The following CAMTA1 variants were observed in gnomAD, a reference collection of about 807,000 sequenced individuals.
CAMTA1 encodes the protein calmodulin binding transcription activator 1.
In CAMTA1, 27 loss-of-function variants were observed where a neutral mutation model predicts 170.9. That is an observed-to-expected ratio of 0.16 (90% CI 0.12 to 0.22). The LOEUF (loss-of-function observed/expected upper bound fraction) is 0.22, where lower values mean the gene tolerates loss of function less well. Ranked by LOEUF, CAMTA1 falls within the 10% of genes least tolerant of loss-of-function variation. The pLI is 1.00. For synonymous variants in CAMTA1, 833 were observed against 891.5 expected, an observed-to-expected ratio of 0.93 and a Z score of 1.17; for missense variants, 1,619 against 2,217.2, an observed-to-expected ratio of 0.73 and a Z score of 5.42.
intron 3 of CAMTA1, among the ~76,000 whole-genome samples, chr1:6,885,771 C>T (rs960347266): frequency 6.6e-6 from 1 of 152,196 alleles, no homozygotes; most frequent in African/African-American, 2.4e-5. Context: ...CAACATGCCC[C>T]ACCCAGCTGC....
chr1:7,179,857 A>C (rs1211606995), intron 4 of CAMTA1, among the ~76,000 whole-genome samples: 2 of 152,198 alleles, frequency 1.3e-5, no homozygotes, highest in Admixed American at 6.5e-5. Context: ...AACCAAAAGA[A>C]AGCACAAGAA....
Position 7,745,854 on chromosome 1 carries a change from T to C in CAMTA1, c.4380T>C (p.Tyr1460=), listed in dbSNP as rs958292170. ...TCTCCTCTTGTTTCAGAAGTGCATATAACGAGCCTCTAACCCCTTCTTCTA... is the reference window on the plus strand; with the variant it reads ...TCTCCTCTTGTTTCAGAAGTGCATACAACGAGCCTCTAACCCCTTCTTCTA... The part of the protein sequence containing the change: ...LPSAAQIRSA[Y]NEPLTPSSNT... Residue 1460 remains tyrosine (Y), a synonymous_variant, in exon 18 of 23, where the codon TAT becomes TAC. Transcript: ENST00000303635. The C allele has an allele frequency of 1.2e-6, 2 of 1,614,092 alleles. No individual in the cohort carries two copies. The highest frequency in any genetic ancestry group is 2.7e-5 in the African/African-American group (2 of 74,940).
chr1:7,018,355 G>T (rs1224246353), intron 3 of CAMTA1, among the ~76,000 whole-genome samples: 1 of 152,176 alleles, frequency 6.6e-6, no homozygotes, highest in Non-Finnish European at 1.5e-5. Flanking sequence ...CCTACTGGTG[G>T]CTCGCAGTGC....
intron 4 of CAMTA1, among the ~76,000 whole-genome samples, chr1:7,162,666 A>G (rs1573566418): frequency 6.6e-6 from 1 of 152,126 alleles, no homozygotes; most frequent in Admixed American, 6.5e-5. Context: ...TGGCTGAGTA[A>G]TATTTTGTGG....
intron 5 of CAMTA1, among the ~76,000 whole-genome samples, chr1:7,381,499 G>T (rs1292879423): frequency 6.6e-6 from 1 of 151,408 alleles, no homozygotes; most frequent in African/African-American, 2.4e-5. Context: ...ATTTTTTATG[G>T]CTGCATAGTA....
intron 15 of CAMTA1, 100 bp from the exon 16 acceptor site, chr1:7,737,859 C>G (rs1333474963): frequency 1.6e-6 from 2 of 1,271,080 alleles, no homozygotes; most frequent in African/African-American, 3.0e-5. Context: ...TGAGTTCCGG[C>G]TTTGCACTTT....
chr1:7,293,049 G>C lies in CAMTA1; in HGVS notation c.438+43423G>C, dbSNP rs1673385026. Among the ~76,000 whole-genome samples, 2 of 152,122 alleles carry C rather than the reference G, an allele frequency of 1.3e-5. No homozygotes were observed. The highest frequency in any genetic ancestry group is 6.5e-5 in the Admixed American group (1 of 15,274). ...CCTAGGAAGTGGCAAGCTCCGGCGGGGTGTCCTACTCCCTGCTGGGTCACT... is the reference window on the plus strand; with the variant it reads ...CCTAGGAAGTGGCAAGCTCCGGCGGCGTGTCCTACTCCCTGCTGGGTCACT... On this transcript the variant is annotated intron_variant, in intron 5 of 22. Transcript: ENST00000303635. This position sits in a 1 kb window ranked among gnomAD's most constrained non-coding sequence, Gnocchi z 4.1.
intron 5 of CAMTA1, among the ~76,000 whole-genome samples, chr1:7,374,965 C>T (rs190457060): frequency 6.6e-6 from 1 of 152,290 alleles, no homozygotes; most frequent in East Asian, 1.9e-4. Flanking sequence ...AATGGCTGCA[C>T]CCTGGTAGAG....
chr1:7,428,172 A>G lies in CAMTA1; in HGVS notation c.439-39658A>G, dbSNP rs1384334644. On this transcript the variant is annotated intron_variant, in intron 5 of 22. Coordinates refer to ENST00000303635, the MANE Select transcript of CAMTA1 (RefSeq NM_015215.4). ...CACGGGCAACCATCAGACTCTGGAG[A>G]GCTATGGAGACGTTGGTACTGTTGG... 2.6e-5 allele frequency among the ~76,000 whole-genome samples: 4 copies of G among 151,976 alleles called. No individual in the cohort carries two copies. The East Asian group carries it at 5.8e-4, about 22-fold the overall frequency.
chr1:6,980,726 CTTTGCTTGCCACCATGCGAGA>C (rs1694295245), intron 3 of CAMTA1, among the ~76,000 whole-genome samples: 1 of 152,178 alleles, frequency 6.6e-6, no homozygotes, highest in African/African-American at 2.4e-5. Flanking sequence ...ACACACACTC[CTTTGCTTGCCACCATGCGAGA>C]TGTGACTTTG....
At chr1:7,518,340 T>C (rs1251047812) in intron 6 of CAMTA1, among the ~76,000 whole-genome samples, 1 of 151,896 alleles carries the variant, frequency 6.6e-6, no homozygotes, top group African/African-American at 2.4e-5. Flanking sequence ...ATGGCTCTTC[T>C]GTTCCCTCCA....
intron 5 of CAMTA1, among the ~76,000 whole-genome samples, chr1:7,273,479 CATATATT>C (rs1403798860): frequency 6.6e-6 from 1 of 152,166 alleles, no homozygotes; most frequent in Non-Finnish European, 1.5e-5. Context: ...CACAAAAGAC[CATATATT>C]ATGTGATACC....
At chr1:6,908,255 G>A (rs1489406665) in intron 3 of CAMTA1, among the ~76,000 whole-genome samples, 1 of 152,206 alleles carries the variant, frequency 6.6e-6, no homozygotes, top group Non-Finnish European at 1.5e-5. Context: ...ACGCAGAGGG[G>A]CCGTTACTCC....
chr1:6,980,416 C>T (rs956899633), intron 3 of CAMTA1, among the ~76,000 whole-genome samples: 3 of 152,160 alleles, frequency 2.0e-5, no homozygotes, highest in African/African-American at 4.8e-5. Context: ...CCGGGAGTCA[C>T]GAGCCCGTGG....
At position 7,691,747 on chromosome 1, in the gene CAMTA1, C is replaced by CGA. The variant is rs144597291; in HGVS notation, c.2914+14027_2914+14028dup. 2.3e-4 allele frequency among the ~76,000 whole-genome samples: 35 copies of CGA among 151,130 alleles called. 1 individual carries two copies. The South Asian group carries it at 3.6e-3, about 15-fold the overall frequency. Reference sequence around the variant, plus strand: ...CTGAGAGAGCAAATAGACAAGAGAGCGAGAGAGAGAGAGAAAGAGAAGTCT... The same window carrying CGA: ...CTGAGAGAGCAAATAGACAAGAGAGCGAGAGAGAGAGAGAGAAAGAGAAGTCT... On this transcript the variant is annotated intron_variant, in intron 11 of 22. Transcript: ENST00000303635.
At chr1:7,276,280 T>C (rs1309756909) in intron 5 of CAMTA1, among the ~76,000 whole-genome samples, 7 of 59,388 alleles carry the variant, frequency 1.2e-4, no homozygotes, top group African/African-American at 9.8e-4. Context: ...CACCTGATCA[T>C]ATATATATAT....
chr1:7,460,020 G>A (rs998685519), intron 5 of CAMTA1, among the ~76,000 whole-genome samples: 2 of 152,218 alleles, frequency 1.3e-5, no homozygotes, highest in Admixed American at 6.5e-5. Flanking sequence ...GAAGGGCAGC[G>A]CCATAAAATC....
chr1:7,414,779 G>T (rs1451158670), intron 5 of CAMTA1, among the ~76,000 whole-genome samples: 1 of 151,752 alleles, frequency 6.6e-6, no homozygotes, highest in Non-Finnish European at 1.5e-5. Flanking sequence ...TCTGATTTTA[G>T]TTATTTCTTG....
intron 7 of CAMTA1, among the ~76,000 whole-genome samples, chr1:7,661,163 C>A (rs2095953339): frequency 6.6e-6 from 1 of 152,242 alleles, no homozygotes; most frequent in Admixed American, 6.5e-5. Flanking sequence ...CTCCCCTGGC[C>A]TCTCCTGCAT....
Sources: allele counts gnomAD v4.1 joint callset (sites outside exome capture counted in the v4.1 genomes callset), GRCh38; gene constraint gnomAD v4.1.1; non-coding constraint Gnocchi (gnomAD v3.1); transcripts MANE v1.5; gene names NCBI Gene and HGNC (gene_info 2026-07-23, HGNC 2026-07-21).